The following RARB variants were observed in gnomAD, a reference collection of about 807,000 sequenced individuals.
RARB encodes HBV-activated protein.
Under a neutral mutation model 51.9 loss-of-function variants are expected in RARB, and 17 were observed. The ratio of observed to expected loss-of-function variants is 0.33; its 90% CI spans 0.22 to 0.49. RARB has a LOEUF of 0.49. Among genes scored for constraint, RARB ranks in the 20% least tolerant of loss-of-function variants. RARB has a pLI of 0.99. For missense variants in RARB, 369 were observed against 550.8 expected (o/e 0.67, Z 3.30); for synonymous variants, 215 against 195.4 (o/e 1.10, Z -0.84).
intron 5 of RARB, among the ~76,000 whole-genome samples, chr3:25,220,423 A>G (rs1420904568): frequency 6.6e-6 from 1 of 152,204 alleles, no homozygotes; most frequent in Non-Finnish European, 1.5e-5. Context: ...AGGGGTTATA[A>G]GACCTAGTTT....
At chr3:25,458,361 C>A (rs1341382027) in intron 1 of RARB, 1 of 152,190 alleles carries the variant, frequency 6.6e-6, no homozygotes, top group African/African-American at 2.4e-5. Context: ...GAAGGTCGTA[C>A]ACAGTGAATT....
At chr3:25,195,352 A>G (rs1701206912) in intron 5 of RARB, among the ~76,000 whole-genome samples, 1 of 152,020 alleles carries the variant, frequency 6.6e-6, no homozygotes, top group Non-Finnish European at 1.5e-5. Flanking sequence ...TCGTATAGTT[A>G]TTCATGGGCT....
At chr3:25,394,288 C>T (rs1051387313) in intron 5 of RARB, among the ~76,000 whole-genome samples, 20 of 151,912 alleles carry the variant, frequency 1.3e-4, no homozygotes, top group African/African-American at 4.6e-4. Context: ...AATTTCCTTA[C>T]ATTTGCTGAG....
chr3:25,486,593 T>C (rs1489313411), intron 2 of RARB, among the ~76,000 whole-genome samples: 1 of 152,214 alleles, frequency 6.6e-6, no homozygotes, highest in East Asian at 1.9e-4. Context: ...GGTCTTCAAC[T>C]TAATAAACTA....
chr3:25,544,947 T>TGTG (rs143676103), intron 3 of RARB, among the ~76,000 whole-genome samples: 3 of 151,708 alleles, frequency 2.0e-5, no homozygotes, highest in African/African-American at 7.3e-5. Context: ...GTCTGTACAT[T>TGTG]TTGTTGTTGT....
chr3:25,036,202 A>T (rs532486413), intron 2 of RARB, among the ~76,000 whole-genome samples: 1 of 152,166 alleles, frequency 6.6e-6, no homozygotes, highest in Non-Finnish European at 1.5e-5. Context: ...AAGGCCTACT[A>T]TGAAACAAGA....
At chr3:25,535,497 G>A (rs1553629603) in intron 3 of RARB, among the ~76,000 whole-genome samples, 1 of 151,554 alleles carries the variant, frequency 6.6e-6, no homozygotes, top group Non-Finnish European at 1.5e-5. Context: ...TGCCATGGTG[G>A]TTTGCTGCAC....
At chr3:25,492,175 C>G (rs1004193460) in intron 2 of RARB, among the ~76,000 whole-genome samples, 2 of 152,158 alleles carry the variant, frequency 1.3e-5, no homozygotes, top group African/African-American at 4.8e-5. Flanking sequence ...ACCTGGTGGA[C>G]TTGTTGCCTA....
At chr3:25,352,125 A>G (rs890425233) in intron 5 of RARB, among the ~76,000 whole-genome samples, 19 of 152,186 alleles carry the variant, frequency 1.2e-4, no homozygotes, top group Non-Finnish European at 2.4e-4. Flanking sequence ...AACTTCTGAA[A>G]GTGAACCAAG....
intron 5 of RARB, among the ~76,000 whole-genome samples, chr3:25,336,606 G>A (rs897505991): frequency 2.0e-5 from 3 of 152,112 alleles, no homozygotes; most frequent in Admixed American, 1.3e-4. Context: ...GGGATAAGGA[G>A]GGATGTTCCT....
At chr3:25,160,185 G>T (rs1417432006) in intron 4 of RARB, among the ~76,000 whole-genome samples, 1 of 152,118 alleles carries the variant, frequency 6.6e-6, no homozygotes, top group Non-Finnish European at 1.5e-5. Flanking sequence ...TCTAGGCTCT[G>T]GTAATTTTCA....
chr3:24,965,470 T>C (rs1453458198), intron 2 of RARB, among the ~76,000 whole-genome samples: 2 of 152,116 alleles, frequency 1.3e-5, no homozygotes, highest in Non-Finnish European at 2.9e-5. Context: ...GAAGAATAGA[T>C]TTGGAATCAG....
rs1447999588 is a variant in RARB at position 25,435,615 on chromosome 3, C to T, written c.157+6727C>T. Among the ~76,000 whole-genome samples the T allele has an allele frequency of 2.0e-5, 3 of 152,098 alleles. No homozygotes were observed. The East Asian group carries it at 5.8e-4, about 29-fold the overall frequency. Reference sequence around the variant, plus strand: ...ATGTTTTAATTTAGCTCAGTACTGCCATGTGTTATTGAAGAGAATTCTTAA... The same window carrying T: ...ATGTTTTAATTTAGCTCAGTACTGCTATGTGTTATTGAAGAGAATTCTTAA... On this transcript the variant is annotated intron_variant, in intron 1 of 7. Coordinates refer to ENST00000330688, the MANE Select transcript of RARB (RefSeq NM_000965.5).
chr3:25,416,989 C>G (rs1349330470), intron 5 of RARB, among the ~76,000 whole-genome samples: 1 of 152,108 alleles, frequency 6.6e-6, no homozygotes, highest in African/African-American at 2.4e-5. Flanking sequence ...CTTTCCTTAC[C>G]CCTCCAGATG....
At chr3:24,864,559 C>G (rs1008782289) in intron 2 of RARB, among the ~76,000 whole-genome samples, 4 of 152,174 alleles carry the variant, frequency 2.6e-5, no homozygotes, top group African/African-American at 9.6e-5. Flanking sequence ...CTCACTCTCT[C>G]ATATCCAAAC....
At chr3:24,888,404 ATTC>A (rs1703304955) in intron 2 of RARB, among the ~76,000 whole-genome samples, 1 of 152,068 alleles carries the variant, frequency 6.6e-6, no homozygotes. Flanking sequence ...TACAGCTTTT[ATTC>A]TTTTTTTATT....
intron 5 of RARB, among the ~76,000 whole-genome samples, chr3:25,294,878 C>T (rs184144328): frequency 1.1e-4 from 17 of 152,262 alleles, no homozygotes; most frequent in African/African-American, 3.8e-4. Context: ...GATTCATTCC[C>T]TGCCTTTACC....
At chr3:25,110,322 A>G (rs766397585) in intron 3 of RARB, among the ~76,000 whole-genome samples, 4 of 152,226 alleles carry the variant, frequency 2.6e-5, no homozygotes, top group Non-Finnish European at 4.4e-5. Flanking sequence ...TTCTAAGGGC[A>G]TGCATATGTG....
intron 2 of RARB, among the ~76,000 whole-genome samples, chr3:25,056,152 G>C (rs1289374656): frequency 6.6e-6 from 1 of 152,076 alleles, no homozygotes; most frequent in Non-Finnish European, 1.5e-5. Flanking sequence ...CTGGTAACAG[G>C]CTGGTCAAAG....
Sources: gnomAD v4.1 joint callset for allele counts (sites outside exome capture counted in the v4.1 genomes callset) on GRCh38, gnomAD v4.1.1 for gene constraint, MANE v1.5 for transcripts, NCBI Gene and HGNC (gene_info 2026-07-23, HGNC 2026-07-21) for gene names.